Variants in APBB2 observed in about 807,000 individuals in gnomAD.
APBB2 encodes Fe65-like 1.
APBB2 carries 38 observed loss-of-function variants against 82.5 expected under a neutral mutation model. That is an observed-to-expected ratio of 0.46 (90% CI 0.36 to 0.60). The LOEUF (loss-of-function observed/expected upper bound fraction) is 0.60, where lower values mean the gene tolerates loss of function less well. Ranked by LOEUF, APBB2 falls within the 20% of genes least tolerant of loss-of-function variation. APBB2 has a pLI of 0.00. For missense variants in APBB2, 772 were observed against 972.3 expected (o/e 0.79, Z 2.74); for synonymous variants, 341 against 368.2 (o/e 0.93, Z 0.85).
intron 10 of APBB2, among the ~76,000 whole-genome samples, chr4:40,925,004 G>A (rs1782250168): frequency 6.6e-6 from 1 of 151,910 alleles, no homozygotes; most frequent in Non-Finnish European, 1.5e-5. Context: ...CGGGGGGAGA[G>A]GGAATCACTA....
At chr4:41,142,498 C>T (rs1043947156) in intron 2 of APBB2, among the ~76,000 whole-genome samples, 5 of 152,130 alleles carry the variant, frequency 3.3e-5, no homozygotes, top group African/African-American at 1.2e-4. Context: ...AAAATCTGGC[C>T]AAGCAGACTG....
At chr4:41,186,759 C>T (rs1008595019) in intron 1 of APBB2, among the ~76,000 whole-genome samples, 1 of 152,164 alleles carries the variant, frequency 6.6e-6, no homozygotes, top group Non-Finnish European at 1.5e-5. Context: ...ATTATTATTA[C>T]TAACTACAAC....
chr4:40,998,531 G>A (rs143894245), intron 6 of APBB2, among the ~76,000 whole-genome samples: 21 of 152,092 alleles, frequency 1.4e-4, no homozygotes, highest in East Asian at 9.7e-4. Context: ...TAAAATAGTC[G>A]TCCCTTTTTA....
At chr4:40,919,495 G>A (rs899823938) in intron 10 of APBB2, among the ~76,000 whole-genome samples, 2 of 152,154 alleles carry the variant, frequency 1.3e-5, no homozygotes, top group African/African-American at 4.8e-5. Context: ...TGGAAAAAAA[G>A]AAATCCATGC....
At chr4:41,087,397 TA>T (rs1740146109) in intron 3 of APBB2, among the ~76,000 whole-genome samples, 1 of 152,122 alleles carries the variant, frequency 6.6e-6, no homozygotes, top group African/African-American at 2.4e-5. Context: ...CAGAAGCAAT[TA>T]AATCTATTCA....
rs1384928800 is a variant in APBB2 at position 40,890,405 on chromosome 4, G to A, written c.1488C>T (p.Ile496=). Residue 496 remains isoleucine (I), a synonymous_variant, in exon 12 of 18, where the codon ATC becomes ATT. Coordinates refer to ENST00000508593, the MANE Select transcript of APBB2 (RefSeq NM_004307.2). ...MDRSVLHSQP[I]VSIRVWGVGR... is the part of the protein sequence containing the mutation. ...CCACGCCCCACACGCGGATGCTGAC[G>A]ATGGGCTGCGAGTGCAGCACGCTGC... 6.2e-6 allele frequency: 10 copies of A among 1,613,936 alleles called. No individual in the cohort carries two copies. The highest frequency in any genetic ancestry group is 1.1e-5 in the South Asian group (1 of 91,066).
intron 1 of APBB2, among the ~76,000 whole-genome samples, chr4:41,165,472 C>T (rs1030403514): frequency 4.6e-5 from 7 of 152,128 alleles, no homozygotes; most frequent in African/African-American, 1.7e-4. Context: ...TTCTCAGAAT[C>T]GGTTTTTTCT....
At chr4:40,970,566 T>G (rs1006428343) in intron 6 of APBB2, among the ~76,000 whole-genome samples, 1 of 152,146 alleles carries the variant, frequency 6.6e-6, no homozygotes, top group African/African-American at 2.4e-5. Context: ...ACTTCAGCAA[T>G]GGTCTTGCCA....
intron 4 of APBB2, among the ~76,000 whole-genome samples, chr4:41,044,061 T>C (rs1317055394): frequency 6.6e-6 from 1 of 152,214 alleles, no homozygotes; most frequent in Admixed American, 6.5e-5. Flanking sequence ...TTAGCAGCCA[T>C]TGTTATTCAA....
chr4:40,998,099 C>T lies in APBB2; in HGVS notation c.835+15484G>A, dbSNP rs186351122. On this transcript the variant is annotated intron_variant, in intron 6 of 17. Coordinates refer to ENST00000508593, the MANE Select transcript of APBB2 (RefSeq NM_004307.2). ...GTCACTTCAAGGAAAACAACTGACA[C>T]TATTTGTTGGCAATGATCAAATGCA... 5.3e-5 allele frequency among the ~76,000 whole-genome samples: 8 copies of T among 152,326 alleles called. 1 individual carries two copies. The East Asian group carries it at 1.5e-3, about 29-fold the overall frequency.
chr4:41,198,333 T>C, intron 1 of APBB2, among the ~76,000 whole-genome samples: 3,762 of 152,360 alleles, frequency 0.025, 67 homozygotes, highest in Middle Eastern at 0.082. Flanking sequence ...GTACACTTAC[T>C]GGCTAGCATA....
intron 4 of APBB2, among the ~76,000 whole-genome samples, chr4:41,050,794 C>T (rs1289758853): frequency 1.3e-5 from 2 of 152,210 alleles, no homozygotes; most frequent in East Asian, 3.8e-4. Flanking sequence ...TCTACGTTCT[C>T]TCATCCACGT....
rs558079086 is a variant in APBB2 at position 40,883,304 on chromosome 4, CAG to C, written c.1529+7058_1529+7059del. ...CATCACTGCACTCTAGCCTGGGTAACAGAGCGAGACGGTGGCTCACACCAGTA... is the reference window on the plus strand; with the variant it reads ...CATCACTGCACTCTAGCCTGGGTAACAGCGAGACGGTGGCTCACACCAGTA... On this transcript the variant is annotated intron_variant, in intron 12 of 17. Transcript: ENST00000508593. 5.3e-5 allele frequency among the ~76,000 whole-genome samples: 8 copies of C among 152,262 alleles called. No individual in the cohort carries two copies. The South Asian group carries it at 1.5e-3, about 28-fold the overall frequency.
At chr4:41,135,528 T>C (rs138881631) in intron 2 of APBB2, among the ~76,000 whole-genome samples, 1 of 152,350 alleles carries the variant, frequency 6.6e-6, no homozygotes, top group East Asian at 1.9e-4. Flanking sequence ...GTGTCATGCG[T>C]ATAGATCTTA....
intron 2 of APBB2, among the ~76,000 whole-genome samples, chr4:41,102,054 T>C (rs1295950599): frequency 6.6e-6 from 1 of 151,686 alleles, no homozygotes; most frequent in Non-Finnish European, 1.5e-5. Context: ...TAAGATAAAA[T>C]AGTTTAAGTA....
At chr4:40,848,232 C>T (rs752230780) in intron 12 of APBB2, among the ~76,000 whole-genome samples, 3 of 152,204 alleles carry the variant, frequency 2.0e-5, no homozygotes, top group Non-Finnish European at 4.4e-5. Flanking sequence ...GTAACAGTAG[C>T]GGCTCCTGGC....
chr4:40,850,354 C>G (rs1274720942), intron 12 of APBB2, among the ~76,000 whole-genome samples: 1 of 152,138 alleles, frequency 6.6e-6, no homozygotes. Flanking sequence ...AGTATGTCAT[C>G]TTAAAAAAGA....
At chr4:40,911,711 C>T (rs539217975) in intron 10 of APBB2, among the ~76,000 whole-genome samples, 5 of 152,296 alleles carry the variant, frequency 3.3e-5, no homozygotes, top group Non-Finnish European at 7.3e-5. Context: ...AGAGGTGCAT[C>T]CTGAGCTCTT....
chr4:41,068,854 G>A (rs1323408069), intron 3 of APBB2, among the ~76,000 whole-genome samples: 2 of 146,104 alleles, frequency 1.4e-5, no homozygotes, highest in East Asian at 4.0e-4. Context: ...GGAGTGCAGT[G>A]GCGTGATCTC....
Sources: allele counts gnomAD v4.1 joint callset (sites outside exome capture counted in the v4.1 genomes callset), GRCh38; gene constraint gnomAD v4.1.1; transcripts MANE v1.5; gene names NCBI Gene and HGNC (gene_info 2026-07-23, HGNC 2026-07-21).